PAK4: variants seen among roughly 807,000 people sequenced by gnomAD.
PAK4 encodes the protein serine/threonine-protein kinase PAK 4.
A neutral mutation model predicts 53.5 loss-of-function variants in PAK4; 49 were observed. The observed-to-expected ratio is 0.92, with a 90% CI of 0.73 to 1.16. The LOEUF is 1.16. PAK4 is among the 50% of genes most tolerant of loss of function. The pLI, the probability that PAK4 is intolerant of heterozygous loss-of-function variation, is 0.00. For synonymous variants in PAK4, 376 were observed against 375.6 expected (o/e 1.00, Z -0.01); for missense variants, 824 against 850.7 (o/e 0.97, Z 0.39).
chr19:39,129,047 C>G (rs539125240), intron 1 of PAK4, among the ~76,000 whole-genome samples: 3 of 152,146 alleles, frequency 2.0e-5, no homozygotes, highest in Non-Finnish European at 2.9e-5. Flanking sequence ...CATAAACATG[C>G]CTTTCTGCAA....
chr19:39,158,077 T>C (rs2074217113), intron 1 of PAK4, among the ~76,000 whole-genome samples: 1 of 76,554 alleles, frequency 1.3e-5, no homozygotes, highest in South Asian at 4.1e-4. Flanking sequence ...TGAGCATGCA[T>C]GTGTGTGTGT....
At chr19:39,147,753 C>T (rs370856722) in intron 1 of PAK4, among the ~76,000 whole-genome samples, 2 of 151,066 alleles carry the variant, frequency 1.3e-5, no homozygotes, top group Non-Finnish European at 2.9e-5. Flanking sequence ...TAGCTTTTCA[C>T]GTGCTTATCT....
At chr19:39,172,412 G>A (rs1432486064) in intron 2 of PAK4, among the ~76,000 whole-genome samples, 1 of 152,040 alleles carries the variant, frequency 6.6e-6, no homozygotes, top group Non-Finnish European at 1.5e-5. Flanking sequence ...CTCTACTTTG[G>A]GACCAGGCCT....
intron 1 of PAK4, among the ~76,000 whole-genome samples, chr19:39,143,557 C>T (rs1418658557): frequency 3.3e-5 from 4 of 122,710 alleles, no homozygotes; most frequent in Non-Finnish European, 6.4e-5. Flanking sequence ...CACACCAATG[C>T]ACTCCAGCCT....
chr19:39,146,861 G>GAGGGAGAA (rs2074006871), intron 1 of PAK4, among the ~76,000 whole-genome samples: 1 of 151,168 alleles, frequency 6.6e-6, no homozygotes, highest in Non-Finnish European at 1.5e-5. Context: ...GAAAGAGAGA[G>GAGGGAGAA]AGGGAGAAAG....
intron 1 of PAK4, among the ~76,000 whole-genome samples, chr19:39,141,697 C>T (rs1205086813): frequency 2.0e-5 from 3 of 151,870 alleles, no homozygotes; most frequent in East Asian, 1.9e-4. Flanking sequence ...TGCGGTGGCA[C>T]GATCTCGGCT....
intron 1 of PAK4, among the ~76,000 whole-genome samples, chr19:39,157,906 C>G (rs1568513361): frequency 6.6e-6 from 1 of 152,186 alleles, no homozygotes; most frequent in East Asian, 1.9e-4. Context: ...ATCTGCATGT[C>G]TGTGTGATGG....
At chr19:39,167,456 G>C (rs776766375) in intron 1 of PAK4, among the ~76,000 whole-genome samples, 6 of 152,122 alleles carry the variant, frequency 3.9e-5, no homozygotes, top group African/African-American at 7.2e-5. Flanking sequence ...CCAGGGGTGG[G>C]CTGGGCTGGA....
At chr19:39,130,554 C>T (rs1056789716) in intron 1 of PAK4, among the ~76,000 whole-genome samples, 11 of 152,034 alleles carry the variant, frequency 7.2e-5, no homozygotes, top group Non-Finnish European at 1.3e-4. Context: ...GGAATGACCT[C>T]GGAATGGTCG....
At chr19:39,165,191 TG>T (rs1405699828) in intron 1 of PAK4, among the ~76,000 whole-genome samples, 40 of 116,948 alleles carry the variant, frequency 3.4e-4, no homozygotes, top group Non-Finnish European at 5.8e-4. Flanking sequence ...ATGATGATGA[TG>T]ATGATAATAA....
intron 1 of PAK4, among the ~76,000 whole-genome samples, chr19:39,157,403 G>T (rs996166296): frequency 6.6e-6 from 1 of 152,082 alleles, no homozygotes; most frequent in Non-Finnish European, 1.5e-5. Context: ...CTGGGTGCAC[G>T]AGTCTTTGCA....
In PAK4 at chr19:39,175,077, C is replaced by T. The variant is rs377311518; in HGVS notation, c.1232+13C>T. 10 of 1,597,102 alleles carry T rather than the reference C, an allele frequency of 6.3e-6. No individual in the cohort carries two copies. The highest frequency in any genetic ancestry group is 8.5e-6 in the Non-Finnish European group (10 of 1,171,360). On this transcript the variant is annotated intron_variant, in intron 5 of 8. Coordinates refer to ENST00000358301, the Ensembl canonical transcript of PAK4. This position sits in a 1 kb window ranked among gnomAD's most constrained non-coding sequence, Gnocchi z 4.7. ...TCACCCACACCAGGTATTTCTGGGG[C>T]CTCAGACCCCTCCTGTGACACGACC...
chr19:39,178,365 C>A lies in PAK4; in HGVS notation c.1621-59C>A, dbSNP rs2074651723. 10 of 1,536,558 alleles carry A rather than the reference C, an allele frequency of 6.5e-6. No individual in the cohort carries two copies. The African/African-American group carries it at 8.2e-5, about 13-fold the overall frequency. ...ACTTGGCAGAGGCGGACACTGCAGCCCTACAGCAAATGAACAGTGGGGAGC... is the reference window on the plus strand; with the variant it reads ...ACTTGGCAGAGGCGGACACTGCAGCACTACAGCAAATGAACAGTGGGGAGC... On this transcript the variant is annotated intron_variant, in intron 8 of 8. Coordinates refer to ENST00000358301, the Ensembl canonical transcript of PAK4. The surrounding 1 kb of genome is among the most constrained non-coding windows in gnomAD (Gnocchi z 4.4).
intron 1 of PAK4, among the ~76,000 whole-genome samples, chr19:39,164,146 G>A (rs1331215055): frequency 2.0e-5 from 3 of 151,714 alleles, no homozygotes; most frequent in East Asian, 1.9e-4. Context: ...GTATGGTGGC[G>A]GACGCCTGTA....
downstream of PAK4, chr19:39,182,799 A>G (rs2074710636): frequency 6.6e-6 from 1 of 151,268 alleles, no homozygotes; most frequent in African/African-American, 2.4e-5. Context: ...AGCCTGGGTG[A>G]CAGAGTGAGA....
intron 2 of PAK4, 68 bp downstream of exon 3, chr19:39,169,825 C>T: frequency 1.8e-6 from 2 of 1,140,978 alleles, no homozygotes; most frequent in Non-Finnish European, 2.5e-6. Context: ...CCCTCAACCC[C>T]ACACTCGACC....
intron 1 of PAK4, among the ~76,000 whole-genome samples, chr19:39,162,754 G>A (rs567582838): frequency 2.0e-4 from 31 of 152,174 alleles, no homozygotes; most frequent in Admixed American, 9.2e-4. Context: ...TGACTGTTGG[G>A]TGCACTGCTA....
chr19:39,125,853 G>A (rs4803205), exon 1 of PAK4: 30,282 of 153,382 alleles, frequency 0.2, 3,697 homozygotes, highest in East Asian at 0.32. Context: ...AGAGAGCTGA[G>A]GGAGGCGCGA....
At chr19:39,163,011 G>A (rs1055584722) in intron 1 of PAK4, among the ~76,000 whole-genome samples, 2 of 152,164 alleles carry the variant, frequency 1.3e-5, no homozygotes, top group Non-Finnish European at 2.9e-5. Context: ...GCTAAGCCAA[G>A]GTTTGGAGGC....
Sources: allele counts gnomAD v4.1 joint callset (sites outside exome capture counted in the v4.1 genomes callset), GRCh38; gene constraint gnomAD v4.1.1; non-coding constraint Gnocchi (gnomAD v3.1); transcripts MANE v1.5; gene names NCBI Gene and HGNC (gene_info 2026-07-23, HGNC 2026-07-21).